Variants in FMN1 observed in about 807,000 individuals in gnomAD.
The protein encoded by FMN1 is formin-1.
A neutral mutation model predicts 132.4 loss-of-function variants in FMN1; 110 were observed. That is an observed-to-expected ratio of 0.83 (90% CI 0.71 to 0.97). The LOEUF is 0.97. Ranked by LOEUF, FMN1 falls within the 50% of genes least tolerant of loss-of-function variation. The pLI, the probability that FMN1 is intolerant of heterozygous loss-of-function variation, is 0.00. For synonymous variants in FMN1, 722 were observed against 651.7 expected (o/e 1.11, Z -1.64); for missense variants, 1,792 against 1,705.3 (o/e 1.05, Z -0.90).
intron 6 of FMN1, chr15:33,062,779 T>C (rs2141236418): frequency 6.6e-6 from 1 of 152,300 alleles, no homozygotes; most frequent in East Asian, 1.9e-4. Flanking sequence ...CTTCATGATT[T>C]TTCTGGATAT....
intron 6 of FMN1, among the ~76,000 whole-genome samples, chr15:33,029,598 C>T (rs2035840760): frequency 6.6e-6 from 1 of 152,008 alleles, no homozygotes; most frequent in African/African-American, 2.4e-5. Flanking sequence ...AAGAGCCAAA[C>T]GTTTGGATCT....
chr15:33,083,134 T>G (rs1425446172), intron 5 of FMN1, among the ~76,000 whole-genome samples: 3 of 152,192 alleles, frequency 2.0e-5, no homozygotes, highest in Admixed American at 1.3e-4. Flanking sequence ...AGAAATACAC[T>G]GTATATTTCG....
intron 16 of FMN1, among the ~76,000 whole-genome samples, chr15:32,865,846 A>C (rs533965210): frequency 1.5e-5 from 2 of 134,820 alleles, no homozygotes; most frequent in African/African-American, 2.6e-5. Context: ...CAAAAAAAAA[A>C]AAAAAAATAA....
intron 17 of FMN1, among the ~76,000 whole-genome samples, chr15:32,852,758 C>A (rs1309559431): frequency 1.3e-5 from 2 of 152,190 alleles, no homozygotes; most frequent in Admixed American, 1.3e-4. Flanking sequence ...AAAATAATTG[C>A]ACAAACCAAA....
chr15:32,902,277 C>T (rs539697956), intron 12 of FMN1, among the ~76,000 whole-genome samples: 3 of 152,242 alleles, frequency 2.0e-5, no homozygotes, highest in Non-Finnish European at 2.9e-5. Flanking sequence ...GAAATTCCTT[C>T]GGGAACAGAA....
chr15:33,030,737 C>T (rs1376596353), intron 6 of FMN1, among the ~76,000 whole-genome samples: 1 of 152,110 alleles, frequency 6.6e-6, no homozygotes, highest in Non-Finnish European at 1.5e-5. Context: ...CATTGTAAAA[C>T]ACATCCTAAT....
In FMN1 at chr15:33,001,975, G is replaced by A. The variant is rs949401162; in HGVS notation, c.2223+6039C>T. Among the ~76,000 whole-genome samples the A allele has an allele frequency of 3.3e-5, 5 of 152,242 alleles. No homozygotes were observed. The East Asian group carries it at 7.7e-4, about 24-fold the overall frequency. On this transcript the variant is annotated intron_variant, in intron 7 of 20. Coordinates refer to ENST00000616417, the MANE Select transcript of FMN1 (RefSeq NM_001277313.2). ...TCCAATCCAAATATTTTAGGTGATAGGGCTTGCATTTTGCTGGTGGGGGAA... is the reference window on the plus strand; with the variant it reads ...TCCAATCCAAATATTTTAGGTGATAAGGCTTGCATTTTGCTGGTGGGGGAA...
At chr15:33,056,036 A>G (rs1008307651) in intron 6 of FMN1, among the ~76,000 whole-genome samples, 3 of 152,212 alleles carry the variant, frequency 2.0e-5, no homozygotes, top group Non-Finnish European at 2.9e-5. Context: ...CTCAAATTAG[A>G]AAAACCAAAC....
intron 19 of FMN1, among the ~76,000 whole-genome samples, chr15:32,795,346 A>G (rs1351460899): frequency 2.6e-5 from 4 of 152,186 alleles, no homozygotes; most frequent in Non-Finnish European, 5.9e-5. Flanking sequence ...CTTGCTTGAA[A>G]TATCTTCCAA....
At chr15:32,910,568 G>T (rs2060535733) in intron 10 of FMN1, 33 bp from the exon 11 acceptor site, 3 of 1,512,360 alleles carry the variant, frequency 2.0e-6, no homozygotes, top group Non-Finnish European at 2.7e-6. Context: ...AGAGGATAAG[G>T]GATTTGATTA....
At chr15:33,128,461 G>GC (rs1963336817) in intron 4 of FMN1, among the ~76,000 whole-genome samples, 1 of 152,118 alleles carries the variant, frequency 6.6e-6, no homozygotes, top group Non-Finnish European at 1.5e-5. Flanking sequence ...CTATGACATT[G>GC]CAAGGTCCAT....
At chr15:32,897,997 G>C (rs2060201262) in intron 15 of FMN1, among the ~76,000 whole-genome samples, 2 of 152,152 alleles carry the variant, frequency 1.3e-5, no homozygotes, top group Non-Finnish European at 2.9e-5. Context: ...GGGAAACGAT[G>C]AGCCTGGCTG....
chr15:32,921,058 C>A (rs953903570), intron 10 of FMN1, among the ~76,000 whole-genome samples: 2 of 152,114 alleles, frequency 1.3e-5, no homozygotes, highest in African/African-American at 2.4e-5. Context: ...AGCTTATATT[C>A]TCGTGGTAGA....
At chr15:32,914,139 T>C (rs2060627129) in intron 10 of FMN1, among the ~76,000 whole-genome samples, 1 of 152,206 alleles carries the variant, frequency 6.6e-6, no homozygotes, top group Non-Finnish European at 1.5e-5. Context: ...AGTTTTCTCA[T>C]TATTAGGGAA....
intron 7 of FMN1, among the ~76,000 whole-genome samples, chr15:32,979,390 C>T (rs1228941160): frequency 6.6e-6 from 1 of 151,862 alleles, no homozygotes. Flanking sequence ...CCCGTCTCTA[C>T]TAAAAAATAC....
At chr15:33,194,129 C>T (rs147901978) in intron 1 of FMN1, 69 bp from the exon 2 acceptor site, 6 of 145,212 alleles carry the variant, frequency 4.1e-5, no homozygotes, top group African/African-American at 1.5e-4. Flanking sequence ...CATGAAGCTG[C>T]TTCTGTTCCC....
intron 4 of FMN1, among the ~76,000 whole-genome samples, chr15:33,102,313 A>G (rs2039325025): frequency 6.6e-6 from 1 of 152,178 alleles, no homozygotes; most frequent in African/African-American, 2.4e-5. Context: ...TATTGTTGAA[A>G]TGAGAAGATG....
rs2056044326 is a variant in FMN1, at chr15:32,766,329, A to G, written c.*7981T>C. On this transcript the variant is annotated 3_prime_UTR_variant, in exon 21 of 21. Coordinates refer to ENST00000616417, the MANE Select transcript of FMN1 (RefSeq NM_001277313.2). ...ATAGTAGTAAGAATGGAGCGGCAAT[A>G]AAAATCCTTATGATTCAAAGTGTTT... 6.6e-6 allele frequency: 1 copy of G among 152,216 alleles called. No individual in the cohort carries two copies. Among genetic ancestry groups the G allele is most frequent in the African/African-American group, 2.4e-5 (1 of 41,464 alleles). The allele number at this position is 152,216 out of a possible 1,614,324, so 9.4% of individuals were successfully genotyped here.
At chr15:33,132,077 C>A (rs1040807749) in intron 4 of FMN1, among the ~76,000 whole-genome samples, 1 of 152,100 alleles carries the variant, frequency 6.6e-6, no homozygotes, top group African/African-American at 2.4e-5. Context: ...TCTAAAATAA[C>A]ATCTTCCACA....
Sources: allele counts gnomAD v4.1 joint callset (sites outside exome capture counted in the v4.1 genomes callset), GRCh38; gene constraint gnomAD v4.1.1; transcripts MANE v1.5; gene names NCBI Gene and HGNC (gene_info 2026-07-23, HGNC 2026-07-21).